DLGAP2: variants seen among roughly 807,000 people sequenced by gnomAD.
DLGAP2 encodes disks large-associated protein 2.
In DLGAP2, 26 loss-of-function variants were observed where a neutral mutation model predicts 100.3. The ratio of observed to expected loss-of-function variants is 0.26; its 90% CI spans 0.19 to 0.36. DLGAP2 has a LOEUF of 0.36. DLGAP2 is among the 10% of genes least tolerant of loss of function. The pLI is 1.00. For missense variants in DLGAP2, 1,858 were observed against 1,453.2 expected (o/e 1.28, Z -4.53); for synonymous variants, 886 against 630.1 (o/e 1.41, Z -6.08).
intron 1 of DLGAP2, among the ~76,000 whole-genome samples, chr8:902,936 G>T (rs1349931394): frequency 1.4e-5 from 1 of 72,092 alleles, no homozygotes; most frequent in Non-Finnish European, 2.7e-5. Context: ...TGGAACGTGG[G>T]CAGGTGGGTG....
At chr8:1,294,382 G>A (rs1321931980) in intron 3 of DLGAP2, among the ~76,000 whole-genome samples, 1 of 152,204 alleles carries the variant, frequency 6.6e-6, no homozygotes, top group African/African-American at 2.4e-5. Context: ...ACGAGTGACT[G>A]GTGAGGTTGT....
At position 1,164,168 on chromosome 8, in the gene DLGAP2, C is replaced by CCCT. The variant is rs1796954836; in HGVS notation, c.74-94682_74-94681insCTC. 6.1e-5 allele frequency among the ~76,000 whole-genome samples: 7 copies of CCCT among 113,874 alleles called. 2 individuals carry two copies. Among genetic ancestry groups the CCCT allele is most frequent in the Admixed American group, 1.7e-4 (2 of 11,902 alleles). The allele number at this position is 113,874 out of a possible 152,430, so 74.7% of individuals were successfully genotyped here. A position where few individuals can be genotyped will look rare whatever the true frequency, so the allele number is the denominator to read the frequency against. ...GATTTTTCTGTGAGCCCCCCAGGGC[C>CCCT]CGTCATTTTGGTTTGTGGGGATTTT... On this transcript the variant is annotated intron_variant, in intron 2 of 14. Transcript: ENST00000637795.
At chr8:946,083 C>A (rs986082144) in intron 2 of DLGAP2, among the ~76,000 whole-genome samples, 1 of 112,234 alleles carries the variant, frequency 8.9e-6, no homozygotes, top group African/African-American at 2.8e-5. Context: ...CTGTGCTCAG[C>A]ACCCCCATTT....
At chr8:973,416 G>A (rs543989995) in intron 2 of DLGAP2, among the ~76,000 whole-genome samples, 6 of 151,046 alleles carry the variant, frequency 4.0e-5, no homozygotes, top group Admixed American at 6.6e-5. Flanking sequence ...GGGCAGAGAC[G>A]CTCCTCACCT....
intron 3 of DLGAP2, among the ~76,000 whole-genome samples, chr8:1,433,782 GAC>G (rs1797531761): frequency 8.0e-6 from 1 of 125,752 alleles, no homozygotes; most frequent in African/African-American, 3.0e-5. Context: ...ATATTGTGTT[GAC>G]AGCTGAGCAG....
intron 4 of DLGAP2, among the ~76,000 whole-genome samples, chr8:1,530,702 T>C (rs935023978): frequency 1.3e-5 from 2 of 152,242 alleles, no homozygotes; most frequent in Admixed American, 1.3e-4. Context: ...AACTAATAAA[T>C]GTCCATGAAA....
chr8:1,072,470 G>A (rs932160125), intron 2 of DLGAP2, among the ~76,000 whole-genome samples: 16 of 152,164 alleles, frequency 1.1e-4, no homozygotes, highest in African/African-American at 3.9e-4. Flanking sequence ...GAAATGCAGA[G>A]TCCTCATTCA....
chr8:1,081,948 C>T (rs564184229), intron 2 of DLGAP2, among the ~76,000 whole-genome samples: 12 of 152,268 alleles, frequency 7.9e-5, no homozygotes, highest in African/African-American at 2.9e-4. Context: ...AAAATGCCCC[C>T]TAAGTTCTAG....
intron 3 of DLGAP2, among the ~76,000 whole-genome samples, chr8:1,271,317 C>T (rs531677099): frequency 3.9e-5 from 6 of 152,230 alleles, no homozygotes; most frequent in Non-Finnish European, 8.8e-5. Flanking sequence ...CGGGGGGGTG[C>T]GCCCATTTCA....
chr8:1,658,109 G>A (rs1010234186), intron 8 of DLGAP2, among the ~76,000 whole-genome samples: 2 of 152,032 alleles, frequency 1.3e-5, no homozygotes, highest in South Asian at 2.1e-4. Context: ...TACATAGTTC[G>A]CAAAAAGACT....
At chr8:935,071 G>A (rs1799039586) in intron 2 of DLGAP2, among the ~76,000 whole-genome samples, 8 of 152,196 alleles carry the variant, frequency 5.3e-5, no homozygotes, top group Admixed American at 5.2e-4. Flanking sequence ...CGTGTACCGC[G>A]AGCTGTGTAA....
intron 3 of DLGAP2, among the ~76,000 whole-genome samples, chr8:1,437,634 C>G (rs533808661): frequency 2.1e-3 from 313 of 152,070 alleles, no homozygotes; most frequent in Middle Eastern, 6.8e-3. Context: ...TATTTCCCCT[C>G]CATCAGCTTT....
intron 2 of DLGAP2, among the ~76,000 whole-genome samples, chr8:995,435 T>C (rs529736442): frequency 2.6e-5 from 4 of 152,374 alleles, no homozygotes; most frequent in African/African-American, 7.2e-5. Flanking sequence ...TGATTTATAT[T>C]CCACACAATC....
intron 1 of DLGAP2, among the ~76,000 whole-genome samples, chr8:802,174 C>T (rs1796179230): frequency 6.7e-6 from 1 of 148,654 alleles, no homozygotes; most frequent in South Asian, 2.1e-4. Flanking sequence ...GTCCTCTGTC[C>T]TCATGGCCTG....
chr8:1,366,271 T>C (rs751012618), intron 3 of DLGAP2, among the ~76,000 whole-genome samples: 3 of 152,238 alleles, frequency 2.0e-5, no homozygotes, highest in Non-Finnish European at 4.4e-5. Context: ...TATCACCCAT[T>C]TGTACTATAG....
intron 3 of DLGAP2, among the ~76,000 whole-genome samples, chr8:1,459,383 T>C (rs1166446754): frequency 6.6e-6 from 1 of 152,222 alleles, no homozygotes; most frequent in East Asian, 1.9e-4. Context: ...AGCATGTTAA[T>C]ATTTTAAGCG....
chr8:963,313 A>G (rs955184977), intron 2 of DLGAP2, among the ~76,000 whole-genome samples: 1 of 149,896 alleles, frequency 6.7e-6, no homozygotes, highest in East Asian at 1.9e-4. Flanking sequence ...CAGCTCTCAG[A>G]TGTGAGGGAG....
intron 3 of DLGAP2, among the ~76,000 whole-genome samples, chr8:1,489,975 T>C (rs1799333013): frequency 6.6e-6 from 1 of 152,110 alleles, no homozygotes; most frequent in Non-Finnish European, 1.5e-5. Context: ...CACTGCAACC[T>C]CCACCTCTCA....
intron 6 of DLGAP2, among the ~76,000 whole-genome samples, chr8:1,624,279 G>A (rs1797433185): frequency 6.6e-6 from 1 of 152,100 alleles, no homozygotes; most frequent in African/African-American, 2.4e-5. Context: ...GCAATCTCAA[G>A]GAAGCATGGA....
Sources: gnomAD v4.1 joint callset for allele counts (sites outside exome capture counted in the v4.1 genomes callset) on GRCh38, gnomAD v4.1.1 for gene constraint, MANE v1.5 for transcripts, NCBI Gene and HGNC (gene_info 2026-07-23, HGNC 2026-07-21) for gene names.